Variants in CMTR2 observed in about 807,000 individuals in gnomAD.
CMTR2 encodes the protein cap-specific mRNA (nucleoside-2'-O-)-methyltransferase 2.
A neutral mutation model predicts 49.8 loss-of-function variants in CMTR2; 40 were observed. The observed-to-expected ratio is 0.80, with a 90% CI of 0.62 to 1.04. The LOEUF (loss-of-function observed/expected upper bound fraction) is 1.04, where lower values mean the gene tolerates loss of function less well. Among genes scored for constraint, CMTR2 ranks in the 50% least tolerant of loss-of-function variants. The probability of loss-of-function intolerance (pLI) is 0.00; values close to 1 mark genes in which losing one functional copy is unlikely to be tolerated. For synonymous variants in CMTR2, 326 were observed against 315.8 expected (o/e 1.03, Z -0.34); for missense variants, 907 against 897.2 (o/e 1.01, Z -0.14).
Position 71,284,172 on chromosome 16 carries a change from C to T in CMTR2, c.1749G>A (p.Val583=), listed in dbSNP as rs1567504571. 9 of 1,613,844 alleles carry T rather than the reference C, an allele frequency of 5.6e-6. No individual in the cohort carries two copies. Among genetic ancestry groups the T allele is most frequent in the African/African-American group, 5.3e-5 (4 of 74,976 alleles). Residue 583 remains valine (V), a synonymous_variant, in exon 3 of 3, where the codon GTG becomes GTA. Transcript: ENST00000434935. Reference sequence around the variant, plus strand: ...TGATATTACGGAGAGTCGAAAAGCCCACCAGCAGGCACTTTATTTGATTGC... The same window carrying T: ...TGATATTACGGAGAGTCGAAAAGCCTACCAGCAGGCACTTTATTTGATTGC... ...VPSNQIKCLL[V]GFSTLRNIKM... is the part of the protein sequence containing the mutation.
chr16:71,288,229 C>T (rs1246871207), intron 2 of CMTR2: 1 of 152,208 alleles, frequency 6.6e-6, no homozygotes, highest in East Asian at 1.9e-4. Context: ...TGCTCTTTCC[C>T]CAGCTGTCAG....
At chr16:71,287,662 G>A (rs1187825607) in intron 2 of CMTR2, 1 of 152,172 alleles carries the variant, frequency 6.6e-6, no homozygotes, top group Non-Finnish European at 1.5e-5. Context: ...TCAAAATCCT[G>A]GGCTCAAGCA....
chr16:71,283,878 C>A lies in CMTR2; in HGVS notation c.2043G>T (p.Arg681Ser), dbSNP rs1567503699. ...CAACACATAGCAGGACTGCGCAGGT[C>A]CTCAGGGGATCAGAGGATGTGGGAC... is the stretch of plus-strand genomic sequence containing the variant. ...FVCPTSSDPL[R>S]TCAVLLCVGY... Residue 681 changes from arginine (R) to serine (S), a missense_variant, in exon 3 of 3, where the codon AGG (arginine) becomes AGT (serine). Arg to Ser is a moderately radical substitution (Grantham distance 110). Coordinates refer to ENST00000434935, the MANE Select transcript of CMTR2 (RefSeq NM_018348.6). The A allele has an allele frequency of 3.1e-6, 5 of 1,613,924 alleles. No individual in the cohort carries two copies. Among genetic ancestry groups the A allele is most frequent in the Non-Finnish European group, 4.2e-6 (5 of 1,179,892 alleles).
chr16:71,283,668 C>T lies in CMTR2; in HGVS notation c.2253G>A (p.Leu751=). The T allele has an allele frequency of 6.2e-7, 1 of 1,613,618 alleles. No individual in the cohort carries two copies. The highest frequency in any genetic ancestry group is 8.5e-7 in the Non-Finnish European group (1 of 1,179,764). The change falls in exon 3 of 3, where the codon TTG becomes TTA. Residue 751 remains leucine (L), a synonymous_variant. Transcript: ENST00000434935. ...DLNAAIAKRH[L]HFIIQREREE... ...CTCTCTCTCTTTGAATAATGAAATGCAAATGCCTTTTAGCAATGGCAGCAT... is the reference window on the plus strand; with the variant it reads ...CTCTCTCTCTTTGAATAATGAAATGTAAATGCCTTTTAGCAATGGCAGCAT...
At position 71,283,862 on chromosome 16, in the gene CMTR2, G is replaced by T; in HGVS notation, c.2059C>A (p.Leu687Ile). The T allele has an allele frequency of 5.0e-6, 8 of 1,613,722 alleles. No individual in the cohort carries two copies. The highest frequency in any genetic ancestry group is 6.8e-6 in the Non-Finnish European group (8 of 1,179,724). The stretch of plus-strand genomic sequence containing the variant: ...GGAAGGTCCTGATAACCAACACATA[G>T]CAGGACTGCGCAGGTCCTCAGGGGA... ...SDPLRTCAVL[L>I]CVGYQDLPNP... The change falls in exon 3 of 3, where the codon CTA (leucine) becomes ATA (isoleucine). Residue 687 changes from leucine (L) to isoleucine (I), a missense_variant. By Grantham distance (5) the Leu-to-Ile change is conservative. Transcript: ENST00000434935.
rs1191454673 is a variant in CMTR2, at chr16:71,285,854, G to A, written c.67C>T (p.Leu23Phe). 1 of 1,613,690 alleles carries A rather than the reference G, an allele frequency of 6.2e-7. No individual in the cohort carries two copies. Among genetic ancestry groups the A allele is most frequent in the African/African-American group, 1.3e-5 (1 of 74,900 alleles). The change falls in exon 3 of 3, where the codon CTT (leucine) becomes TTT (phenylalanine). Residue 23 changes from leucine (L) to phenylalanine (F), a missense_variant. Physicochemically the swap from Leu to Phe is conservative, Grantham distance 22. Coordinates refer to ENST00000434935, the MANE Select transcript of CMTR2 (RefSeq NM_018348.6). ...ASPASFSPDI[L>F]ADIFELFAKN... ...GCAAAGAGTTCAAAAATGTCAGCAA[G>A]AATATCTGGGCTGAATGACGCGGGA...
In CMTR2 at chr16:71,284,192, G is replaced by C. The variant is rs768922763; in HGVS notation, c.1729C>G (p.Gln577Glu). ...AAGCCCACCAGCAGGCACTTTATTT[G>C]ATTGCTGGGTACTACAACCTGCTCA... ...QDEQVVVPSN[Q>E]IKCLLVGFST... Residue 577 changes from glutamine to glutamate, a missense_variant, in exon 3 of 3, where the codon CAA (glutamine) becomes GAA (glutamate). Transcript: ENST00000434935. The C allele has an allele frequency of 1.2e-6, 2 of 1,613,920 alleles. No homozygotes were observed. Among genetic ancestry groups the C allele is most frequent in the Middle Eastern group, 1.6e-4 (1 of 6,062 alleles).
Position 71,285,631 on chromosome 16 carries a change from T to C in CMTR2, c.290A>G (p.Lys97Arg), listed in dbSNP as rs2041710746. Residue 97 changes from lysine to arginine, a missense_variant, in exon 3 of 3, where the codon AAA (lysine) becomes AGA (arginine). Physicochemically the swap from Lys to Arg is conservative, Grantham distance 26 (BLOSUM62 2). Transcript: ENST00000434935. ...EHTAFTNKAG[K>R]IISHVRKSVN... ...AGATTTTCTAACATGAGAAATGATT[T>C]TCCCCGCTTTATTAGTGAAAGCAGT... is the stretch of plus-strand genomic sequence containing the variant. 6.2e-7 allele frequency: 1 copy of C among 1,614,024 alleles called. No individual in the cohort carries two copies. Among genetic ancestry groups the C allele is most frequent in the African/African-American group, 1.3e-5 (1 of 74,940 alleles).
In CMTR2 at chr16:71,283,886, G is replaced by T. The variant is rs777398960; in HGVS notation, c.2035C>A (p.Pro679Thr). 13 of 1,612,812 alleles carry T rather than the reference G, an allele frequency of 8.1e-6. No homozygotes were observed. The East Asian group carries it at 2.7e-4, about 33-fold the overall frequency. ...ITFVCPTSSD[P>T]LRTCAVLLCV... ...AGCAGGACTGCGCAGGTCCTCAGGGGATCAGAGGATGTGGGACAAACAAAA... is the reference window on the plus strand; with the variant it reads ...AGCAGGACTGCGCAGGTCCTCAGGGTATCAGAGGATGTGGGACAAACAAAA... Residue 679 changes from proline (P) to threonine (T), a missense_variant, in exon 3 of 3, where the codon CCC becomes ACC. Pro to Thr is a conservative substitution (Grantham distance 38). Transcript: ENST00000434935.
rs2041637351 is a variant in CMTR2 at position 71,283,032 on chromosome 16, C to T, written c.*576G>A. 1 of 152,670 alleles carries T rather than the reference C, an allele frequency of 6.6e-6. No individual in the cohort carries two copies. Among genetic ancestry groups the T allele is most frequent in the African/African-American group, 2.4e-5 (1 of 41,414 alleles). The allele number at this position is 152,670 out of a possible 1,614,324, so 9.5% of individuals were successfully genotyped here. On this transcript the variant is annotated 3_prime_UTR_variant, in exon 3 of 3. Coordinates refer to ENST00000434935, the MANE Select transcript of CMTR2 (RefSeq NM_018348.6). Reference sequence around the variant, plus strand: ...CATGTAAGAAAATAGGGTCAATCACCTAAGGGCAATGAATGGCATGTTATC... The same window carrying T: ...CATGTAAGAAAATAGGGTCAATCACTTAAGGGCAATGAATGGCATGTTATC...
At chr16:71,288,693 T>C (rs1036148615) in intron 2 of CMTR2, 185 bp downstream of exon 2, 1 of 152,018 alleles carries the variant, frequency 6.6e-6, no homozygotes, top group Non-Finnish European at 1.5e-5. Context: ...GTGGAAAAAT[T>C]TTCCAGTATA....
At chr16:71,289,672 A>C (rs1264219806), upstream of CMTR2, 1 of 93,030 alleles carries the variant, frequency 1.1e-5, no homozygotes, top group African/African-American at 3.9e-5. Context: ...GAGGGAGGGA[A>C]GGGACGGGGC....
intron 2 of CMTR2, chr16:71,288,230 C>T (rs1249911740): frequency 1.3e-5 from 2 of 152,258 alleles, no homozygotes; most frequent in South Asian, 2.1e-4. Context: ...GCTCTTTCCC[C>T]AGCTGTCAGC....
In CMTR2 at chr16:71,285,873, C is replaced by T. The variant is rs773678121; in HGVS notation, c.48G>A (p.Ala16=). The T allele has an allele frequency of 1.5e-5, 24 of 1,609,842 alleles. No homozygotes were observed. The highest frequency in any genetic ancestry group is 1.7e-4 in the Middle Eastern group (1 of 6,054). The part of the protein sequence containing the change: ...KTPVQQLASP[A]SFSPDILADI... ...CAGCAAGAATATCTGGGCTGAATGA[C>T]GCGGGACTTGCTAGCTGCTGAACTG... The change falls in exon 3 of 3, where the codon GCG becomes GCA. Residue 16 remains alanine (A), a synonymous_variant. Coordinates refer to ENST00000434935, the MANE Select transcript of CMTR2 (RefSeq NM_018348.6).
rs1470144602 is a variant in CMTR2 at position 71,282,755 on chromosome 16, C to T, written c.*853G>A. On this transcript the variant is annotated 3_prime_UTR_variant, in exon 3 of 3. Coordinates refer to ENST00000434935, the MANE Select transcript of CMTR2 (RefSeq NM_018348.6). ...TATGTTCATCACATTCATGTGTTCC[C>T]AACATGAGACTAAACACTATCTCAA... 4 of 152,264 alleles carry T rather than the reference C, an allele frequency of 2.6e-5. No individual in the cohort carries two copies. The highest frequency in any genetic ancestry group is 9.7e-5 in the African/African-American group (4 of 41,418). The allele number at this position is 152,264 out of a possible 1,614,324, so 9.4% of individuals were successfully genotyped here.
Position 71,284,684 on chromosome 16 carries a change from G to C in CMTR2, c.1237C>G (p.Leu413Val), listed in dbSNP as rs1555518184. ...YFMQKFQLKH[L>V]SRNNWLVKKS... ...TTTACTAGCCAATTATTTCTGGAAAGATGTTTCAGTTGAAATTTTTGCATA... is the reference window on the plus strand; with the variant it reads ...TTTACTAGCCAATTATTTCTGGAAACATGTTTCAGTTGAAATTTTTGCATA... Residue 413 changes from leucine (L) to valine (V), a missense_variant, in exon 3 of 3, where the codon CTT becomes GTT. Coordinates refer to ENST00000434935, the MANE Select transcript of CMTR2 (RefSeq NM_018348.6). The C allele has an allele frequency of 1.2e-6, 2 of 1,612,632 alleles. No individual in the cohort carries two copies. The highest frequency in any genetic ancestry group is 1.7e-6 in the Non-Finnish European group (2 of 1,179,438).
chr16:71,286,952 T>C (rs980220924), intron 2 of CMTR2: 1 of 152,156 alleles, frequency 6.6e-6, no homozygotes, highest in Non-Finnish European at 1.5e-5. Flanking sequence ...AACCTCTTCC[T>C]TCTGAAGAGG....
rs773506239 is a variant in CMTR2 at position 71,284,811 on chromosome 16, A to G, written c.1110T>C (p.Tyr370=). 11 of 1,613,828 alleles carry G rather than the reference A, an allele frequency of 6.8e-6. No homozygotes were observed. Among genetic ancestry groups the G allele is most frequent in the Non-Finnish European group, 2.5e-6 (3 of 1,179,930 alleles). Residue 370 remains tyrosine, a synonymous_variant, in exon 3 of 3, where the codon TAT becomes TAC. Transcript: ENST00000434935. Reference sequence around the variant, plus strand: ...TGTTTTCAGAAATAGTCTCTAGCTGATATTTATGAAAGAACACACAACATT... The same window carrying G: ...TGTTTTCAGAAATAGTCTCTAGCTGGTATTTATGAAAGAACACACAACATT... ...HEECCVFFHK[Y]QLETISENIR...
rs1448140960 is a variant in CMTR2, at chr16:71,285,949, G to A, written c.-19-10C>T. ...CAAATCAAATTAAAATCTAGGAAGA[G>A]AAAACACATAATTAAATGAATCAAA... is the stretch of plus-strand genomic sequence containing the variant. On this transcript the variant is annotated splice_polypyrimidine_tract_variant and intron_variant, in intron 2 of 2. Coordinates refer to ENST00000434935, the MANE Select transcript of CMTR2 (RefSeq NM_018348.6). 7 of 1,524,692 alleles carry A rather than the reference G, an allele frequency of 4.6e-6. No homozygotes were observed. The highest frequency in any genetic ancestry group is 6.2e-6 in the Non-Finnish European group (7 of 1,137,682). The allele number at this position is 1,524,692 out of a possible 1,614,324, so 94.4% of individuals were successfully genotyped here. A position where few individuals can be genotyped will look rare whatever the true frequency, so the allele number is the denominator to read the frequency against.
Sources: gnomAD v4.1 joint callset for allele counts on GRCh38, gnomAD v4.1.1 for gene constraint, MANE v1.5 for transcripts, NCBI Gene and HGNC (gene_info 2026-07-23, HGNC 2026-07-21) for gene names.